The following UNC5C variants were observed in gnomAD, a reference collection of about 807,000 sequenced individuals.
UNC5C encodes the protein unc-5 netrin receptor C, also known as netrin receptor UNC5C.
Under a neutral mutation model 99.8 loss-of-function variants are expected in UNC5C, and 47 were observed. The ratio of observed to expected loss-of-function variants is 0.47; its 90% CI spans 0.37 to 0.60. The LOEUF (loss-of-function observed/expected upper bound fraction) is 0.60, where lower values mean the gene tolerates loss of function less well. Among genes scored for constraint, UNC5C ranks in the 20% least tolerant of loss-of-function variants. The pLI is 0.00. For synonymous variants in UNC5C, 487 were observed against 452.2 expected (o/e 1.08, Z -0.98); for missense variants, 1,062 against 1,165.9 (o/e 0.91, Z 1.30).
intron 7 of UNC5C, among the ~76,000 whole-genome samples, chr4:95,224,608 A>G (rs925159700): frequency 1.3e-5 from 2 of 150,178 alleles, no homozygotes; most frequent in Admixed American, 6.6e-5. Flanking sequence ...ATTGGAATTC[A>G]TTCATTCATT....
At chr4:95,305,012 A>T (rs987143272) in intron 2 of UNC5C, among the ~76,000 whole-genome samples, 3 of 152,230 alleles carry the variant, frequency 2.0e-5, no homozygotes, top group Non-Finnish European at 4.4e-5. Context: ...CCCTCCTGCT[A>T]CAGGAGTTAT....
chr4:95,273,665 TTA>T (rs1484125648), intron 4 of UNC5C, among the ~76,000 whole-genome samples: 2 of 152,188 alleles, frequency 1.3e-5, no homozygotes, highest in Non-Finnish European at 2.9e-5. Context: ...AAAAGTGTTA[TTA>T]AAGGAAACAC....
At chr4:95,179,879 C>T (rs1267356001) in intron 14 of UNC5C, among the ~76,000 whole-genome samples, 1 of 151,728 alleles carries the variant, frequency 6.6e-6, no homozygotes, top group East Asian at 1.9e-4. Flanking sequence ...ATGCTACCTT[C>T]TTTTCTCTGG....
At chr4:95,422,617 A>G (rs1471171337) in intron 1 of UNC5C, among the ~76,000 whole-genome samples, 1 of 152,178 alleles carries the variant, frequency 6.6e-6, no homozygotes, top group Non-Finnish European at 1.5e-5. Context: ...CCGTCGCCTC[A>G]ACCTTCTTAA....
chr4:95,468,795 T>A (rs2149473685), intron 1 of UNC5C, among the ~76,000 whole-genome samples: 1 of 152,286 alleles, frequency 6.6e-6, no homozygotes, highest in East Asian at 1.9e-4. Flanking sequence ...TTGACCACTT[T>A]GACACCTTCG....
At chr4:95,176,531 G>C (rs1357565581) in intron 14 of UNC5C, among the ~76,000 whole-genome samples, 1 of 151,884 alleles carries the variant, frequency 6.6e-6, no homozygotes, top group African/African-American at 2.4e-5. Flanking sequence ...CCCTGCTGGG[G>C]GGTGCCTCCC....
At chr4:95,349,279 A>G (rs1159682397) in intron 1 of UNC5C, among the ~76,000 whole-genome samples, 1 of 148,490 alleles carries the variant, frequency 6.7e-6, no homozygotes, top group South Asian at 2.2e-4. Flanking sequence ...AAAATTACAA[A>G]TTTTTAAAAT....
intron 4 of UNC5C, among the ~76,000 whole-genome samples, chr4:95,276,452 T>G (rs1740862538): frequency 6.6e-6 from 1 of 152,214 alleles, no homozygotes; most frequent in African/African-American, 2.4e-5. Flanking sequence ...AGTGAACTAC[T>G]TTGTCAAGGA....
intron 1 of UNC5C, among the ~76,000 whole-genome samples, chr4:95,424,445 T>C (rs911184324): frequency 6.6e-6 from 1 of 151,798 alleles, no homozygotes; most frequent in African/African-American, 2.4e-5. Flanking sequence ...CTCAGCAACA[T>C]TGTAAGTACG....
intron 1 of UNC5C, among the ~76,000 whole-genome samples, chr4:95,488,715 G>A (rs1407631353): frequency 6.6e-6 from 1 of 151,576 alleles, no homozygotes. Flanking sequence ...TATGTTAACT[G>A]CCGTAATGTG....
At chr4:95,227,968 G>A (rs1233822685) in intron 7 of UNC5C, among the ~76,000 whole-genome samples, 1 of 152,062 alleles carries the variant, frequency 6.6e-6, no homozygotes. Context: ...GAGGTTGCCC[G>A]AACTTTTTAG....
chr4:95,248,489 G>A, intron 5 of UNC5C: 1 of 453,498 alleles, frequency 2.2e-6, no homozygotes, highest in South Asian at 1.6e-5. Flanking sequence ...TCAACTTCCT[G>A]TCCTTGAGGA....
intron 11 of UNC5C, 102 bp downstream of exon 11, chr4:95,206,525 TC>T: frequency 2.0e-6 from 3 of 1,528,158 alleles, no homozygotes; most frequent in Non-Finnish European, 2.7e-6. Flanking sequence ...GAGCTAAAAT[TC>T]CACTCATGTT....
At chr4:95,547,690 G>C (rs1232270664) in intron 1 of UNC5C, among the ~76,000 whole-genome samples, 1 of 152,204 alleles carries the variant, frequency 6.6e-6, no homozygotes, top group Admixed American at 6.5e-5. Context: ...GAAGTTTTGG[G>C]GCCCAGGTGA....
At chr4:95,455,492 C>T (rs1303132818) in intron 1 of UNC5C, among the ~76,000 whole-genome samples, 4 of 151,940 alleles carry the variant, frequency 2.6e-5, no homozygotes, top group Non-Finnish European at 5.9e-5. Flanking sequence ...TAGCAAGACT[C>T]CATCTCTACA....
At chr4:95,523,288 G>C (rs925794084) in intron 1 of UNC5C, among the ~76,000 whole-genome samples, 3 of 152,154 alleles carry the variant, frequency 2.0e-5, no homozygotes, top group Non-Finnish European at 2.9e-5. Flanking sequence ...GGGGAGAAGG[G>C]GGCAGCTGTG....
At chr4:95,396,531 G>T (rs148224052) in intron 1 of UNC5C, among the ~76,000 whole-genome samples, 2 of 152,116 alleles carry the variant, frequency 1.3e-5, no homozygotes, top group Non-Finnish European at 2.9e-5. Context: ...GCTTGAACCC[G>T]ACCTTCAAGC....
intron 1 of UNC5C, among the ~76,000 whole-genome samples, chr4:95,441,295 G>A (rs962512915): frequency 1.3e-5 from 2 of 152,150 alleles, no homozygotes; most frequent in Admixed American, 6.5e-5. Context: ...ACAAAAGGAA[G>A]CAGTGGAACT....
At chr4:95,322,875 T>C (rs191883203) in intron 2 of UNC5C, among the ~76,000 whole-genome samples, 67 of 151,262 alleles carry the variant, frequency 4.4e-4, no homozygotes, top group African/African-American at 1.6e-3. Context: ...GAGGTAGAGA[T>C]TGCAGTGAGC....
Sources: gnomAD v4.1 joint callset for allele counts (sites outside exome capture counted in the v4.1 genomes callset) on GRCh38, gnomAD v4.1.1 for gene constraint, MANE v1.5 for transcripts, NCBI Gene and HGNC (gene_info 2026-07-23, HGNC 2026-07-21) for gene names.